Variants in DNER observed in about 807,000 individuals in gnomAD.
DNER encodes delta/notch like EGF repeat containing.
DNER carries 33 observed loss-of-function variants against 78.2 expected under a neutral mutation model. The observed-to-expected ratio is 0.42, with a 90% CI of 0.32 to 0.56. DNER has a LOEUF of 0.56. Among genes scored for constraint, DNER ranks in the 20% least tolerant of loss-of-function variants. DNER has a pLI of 0.11. For missense variants in DNER, 918 were observed against 975.3 expected, an observed-to-expected ratio of 0.94 and a Z score of 0.78; for synonymous variants, 417 against 384.8, an observed-to-expected ratio of 1.08 and a Z score of -0.98.
chr2:229,594,416 ATC>A (rs1445128855), intron 1 of DNER, among the ~76,000 whole-genome samples: 1 of 152,140 alleles, frequency 6.6e-6, no homozygotes, highest in Non-Finnish European at 1.5e-5. Flanking sequence ...GCAAAGCCTC[ATC>A]TCTACTAAAA....
At chr2:229,431,474 A>G (rs1694002430) in intron 8 of DNER, among the ~76,000 whole-genome samples, 1 of 152,090 alleles carries the variant, frequency 6.6e-6, no homozygotes, top group Admixed American at 6.5e-5. Flanking sequence ...TCACACTGAG[A>G]AAAATCAATC....
intron 7 of DNER, among the ~76,000 whole-genome samples, chr2:229,463,311 G>T (rs1389307232): frequency 1.3e-5 from 2 of 151,052 alleles, no homozygotes; most frequent in African/African-American, 5.0e-5. Context: ...GTTAGGAAAA[G>T]CAAATTGACA....
rs181003644 is a variant in DNER, at chr2:229,462,434, G to T, written c.1261+14706C>A. ...TCCATTGCCTTGGCAAATGGCTCCA[G>T]TCAGAAACCTAGGAGTCATACCTGA... On this transcript the variant is annotated intron_variant, in intron 7 of 12. Transcript: ENST00000341772. Among the ~76,000 whole-genome samples, 68 of 152,176 alleles carry T rather than the reference G, an allele frequency of 4.5e-4. 1 individual carries two copies. The highest frequency in any genetic ancestry group is 2.1e-3 in the Admixed American group (32 of 15,308).
At chr2:229,362,328 G>A (rs538754472) in intron 12 of DNER, among the ~76,000 whole-genome samples, 1 of 152,300 alleles carries the variant, frequency 6.6e-6, no homozygotes, top group South Asian at 2.1e-4. Context: ...CACACCTGGT[G>A]GGAGGTGGAG....
intron 4 of DNER, among the ~76,000 whole-genome samples, chr2:229,564,469 A>C (rs1440684142): frequency 7.6e-6 from 1 of 131,384 alleles, no homozygotes; most frequent in Non-Finnish European, 1.6e-5. Context: ...CATCCTCCTC[A>C]CCCCATCGCC....
rs552322766 is a variant in DNER at position 229,401,793 on chromosome 2, C to T, written c.1723+5439G>A. 2.0e-5 allele frequency among the ~76,000 whole-genome samples: 3 copies of T among 152,164 alleles called. No individual in the cohort carries two copies. In the South Asian group the frequency reaches 6.2e-4, roughly 32 times the overall value. On this transcript the variant is annotated intron_variant, in intron 10 of 12. Coordinates refer to ENST00000341772, the MANE Select transcript of DNER (RefSeq NM_139072.4). Reference sequence around the variant, plus strand: ...TTGGATCTCTCTCTATTACTACTTGCAACTGCAGGTAAAGCTTCAATAATC... The same window carrying T: ...TTGGATCTCTCTCTATTACTACTTGTAACTGCAGGTAAAGCTTCAATAATC...
chr2:229,674,583 G>C (rs1018764199), intron 1 of DNER, among the ~76,000 whole-genome samples: 1 of 152,098 alleles, frequency 6.6e-6, no homozygotes, highest in Admixed American at 6.5e-5. Flanking sequence ...CTGGCCCCTT[G>C]TTCTTATTAA....
intron 7 of DNER, among the ~76,000 whole-genome samples, chr2:229,466,248 G>GC (rs1160767589): frequency 6.6e-6 from 1 of 152,002 alleles, no homozygotes; most frequent in Non-Finnish European, 1.5e-5. Context: ...TCTCTCTCTA[G>GC]CCTTCTGTCT....
intron 1 of DNER, among the ~76,000 whole-genome samples, chr2:229,657,843 G>C (rs1698936740): frequency 6.6e-6 from 1 of 152,120 alleles, no homozygotes; most frequent in African/African-American, 2.4e-5. Context: ...ATCCATTCAG[G>C]AGTGCGATGA....
chr2:229,649,971 AG>A (rs1189869997), intron 1 of DNER, among the ~76,000 whole-genome samples: 2 of 150,052 alleles, frequency 1.3e-5, no homozygotes, highest in African/African-American at 4.9e-5. Flanking sequence ...GCTACTCAGG[AG>A]GCTGAGGCAG....
At chr2:229,697,443 C>G (rs73097208) in intron 1 of DNER, among the ~76,000 whole-genome samples, 19,868 of 152,188 alleles carry the variant, frequency 0.13, 1,387 homozygotes, top group Admixed American at 0.17. Flanking sequence ...CAAAATGCCA[C>G]TAAAAGGTTC....
chr2:229,440,039 G>A (rs1038120789), intron 8 of DNER, among the ~76,000 whole-genome samples: 2 of 152,150 alleles, frequency 1.3e-5, no homozygotes, highest in Non-Finnish European at 2.9e-5. Flanking sequence ...GTTCATTAAC[G>A]TTTTCATACA....
chr2:229,437,916 C>T (rs1230907569), intron 8 of DNER, among the ~76,000 whole-genome samples: 1 of 152,084 alleles, frequency 6.6e-6, no homozygotes, highest in Non-Finnish European at 1.5e-5. Flanking sequence ...TTGGGGACCC[C>T]AGAAATGAGA....
chr2:229,562,076 T>C (rs1302638500), intron 4 of DNER, among the ~76,000 whole-genome samples: 1 of 152,162 alleles, frequency 6.6e-6, no homozygotes, highest in Admixed American at 6.6e-5. Flanking sequence ...CTCTTGATGG[T>C]AACAGTGGGG....
chr2:229,606,006 G>A (rs1429581557), intron 1 of DNER, among the ~76,000 whole-genome samples: 2 of 152,150 alleles, frequency 1.3e-5, no homozygotes, highest in Non-Finnish European at 2.9e-5. Flanking sequence ...TTGAACTGAT[G>A]GCCAGGCCCT....
At chr2:229,559,431 T>A (rs188410608) in intron 4 of DNER, among the ~76,000 whole-genome samples, 2 of 152,174 alleles carry the variant, frequency 1.3e-5, no homozygotes, top group Admixed American at 1.3e-4. Flanking sequence ...AACATAAATA[T>A]CTTCATTATT....
chr2:229,589,909 C>CAAAA (rs34805706), intron 2 of DNER, among the ~76,000 whole-genome samples: 6 of 137,416 alleles, frequency 4.4e-5, no homozygotes, highest in Admixed American at 3.6e-4. Context: ...TGTGGTAATA[C>CAAAA]AAAAAAAAAA....
intron 6 of DNER, among the ~76,000 whole-genome samples, chr2:229,490,190 G>C (rs998599261): frequency 2.0e-5 from 3 of 152,158 alleles, no homozygotes; most frequent in African/African-American, 7.2e-5. Context: ...GAAGCAGGGA[G>C]GGACAGGGAA....
chr2:229,643,401 G>C (rs1318447452), intron 1 of DNER, among the ~76,000 whole-genome samples: 1 of 152,158 alleles, frequency 6.6e-6, no homozygotes, highest in East Asian at 1.9e-4. Context: ...TTGTAGTTTG[G>C]AAAGCATTAC....
Sources: gnomAD v4.1 joint callset for allele counts (sites outside exome capture counted in the v4.1 genomes callset) on GRCh38, gnomAD v4.1.1 for gene constraint, MANE v1.5 for transcripts, NCBI Gene and HGNC (gene_info 2026-07-23, HGNC 2026-07-21) for gene names.